The following VSNL1 variants were observed in gnomAD, a reference collection of about 807,000 sequenced individuals.
The protein encoded by VSNL1 is visinin like 1.
Under a neutral mutation model 20.4 loss-of-function variants are expected in VSNL1, and 6 were observed. The ratio of observed to expected loss-of-function variants is 0.29; its 90% CI spans 0.16 to 0.58. The LOEUF is 0.58. VSNL1 is among the 20% of genes least tolerant of loss of function. The pLI is 0.90. For synonymous variants in VSNL1, 93 were observed against 86.4 expected (o/e 1.08, Z -0.42); for missense variants, 100 against 234.5 (o/e 0.43, Z 3.75).
intron 1 of VSNL1, among the ~76,000 whole-genome samples, chr2:17,585,543 A>T (rs1664450947): frequency 1.3e-5 from 2 of 149,550 alleles, no homozygotes; most frequent in Admixed American, 1.3e-4. Context: ...AGAGAGAAAC[A>T]TGGGTAGTGG....
rs370086559 is a variant in VSNL1 at position 17,582,084 on chromosome 2, AC to A, written c.-5-9984del. ...AATATCAGTGGGAGTTCACTAGAGA[AC>A]CAACGTGTAGCTAATGAGAACTGCC... On this transcript the variant is annotated intron_variant, in intron 1 of 3. Coordinates refer to ENST00000295156, the MANE Select transcript of VSNL1 (RefSeq NM_003385.5). Among the ~76,000 whole-genome samples the A allele has an allele frequency of 5.5e-3, 843 of 152,308 alleles. 9 individuals are homozygous for A. Among genetic ancestry groups the A allele is most frequent in the African/African-American group, 0.019 (806 of 41,558 alleles).
intron 2 of VSNL1, among the ~76,000 whole-genome samples, chr2:17,599,679 GT>G (rs1664784324): frequency 6.6e-6 from 1 of 152,112 alleles, no homozygotes; most frequent in Non-Finnish European, 1.5e-5. Flanking sequence ...AGTCTGACCA[GT>G]GGCTTACTTG....
chr2:17,608,146 G>A (rs542887938), intron 2 of VSNL1, among the ~76,000 whole-genome samples: 2 of 152,300 alleles, frequency 1.3e-5, no homozygotes, highest in African/African-American at 2.4e-5. Flanking sequence ...AGTTTGTAAC[G>A]AGATATTCAG....
At chr2:17,593,472 T>C (rs1390741770) in intron 2 of VSNL1, among the ~76,000 whole-genome samples, 1 of 152,044 alleles carries the variant, frequency 6.6e-6, no homozygotes, top group African/African-American at 2.4e-5. Flanking sequence ...TAAAATCATA[T>C]AAAAAGAAAA....
intron 1 of VSNL1, among the ~76,000 whole-genome samples, chr2:17,590,539 GA>G (rs1293848001): frequency 6.6e-6 from 1 of 152,162 alleles, no homozygotes; most frequent in Non-Finnish European, 1.5e-5. Context: ...GACGAGTTTG[GA>G]GGGTAAATGG....
intron 3 of VSNL1, among the ~76,000 whole-genome samples, chr2:17,653,128 G>A (rs889483605): frequency 2.0e-5 from 3 of 152,204 alleles, no homozygotes; most frequent in African/African-American, 4.8e-5. Context: ...AGTTTCACAC[G>A]GAGTTCCGAG....
chr2:17,562,225 A>G (rs893807134), intron 1 of VSNL1, among the ~76,000 whole-genome samples: 1 of 152,232 alleles, frequency 6.6e-6, no homozygotes, highest in Non-Finnish European at 1.5e-5. Context: ...AAATTAATTC[A>G]TATTTTATTA....
intron 2 of VSNL1, among the ~76,000 whole-genome samples, chr2:17,597,204 G>A (rs751607728): frequency 1.3e-5 from 2 of 152,174 alleles, no homozygotes; most frequent in Admixed American, 6.5e-5. Context: ...CTTAGACACC[G>A]AACTCTGTGT....
chr2:17,579,048 G>C (rs1664285748), intron 1 of VSNL1, among the ~76,000 whole-genome samples: 1 of 152,128 alleles, frequency 6.6e-6, no homozygotes, highest in Non-Finnish European at 1.5e-5. Context: ...CTTCATGCCA[G>C]GGATTTGAAA....
intron 2 of VSNL1, among the ~76,000 whole-genome samples, chr2:17,606,757 C>T (rs951760893): frequency 2.0e-5 from 3 of 152,164 alleles, no homozygotes; most frequent in Admixed American, 2.0e-4. Context: ...TAGTAGTGGC[C>T]TACCTCTCAA....
chr2:17,568,852 T>A (rs572551034), intron 1 of VSNL1, among the ~76,000 whole-genome samples: 19 of 152,220 alleles, frequency 1.2e-4, no homozygotes, highest in Non-Finnish European at 2.5e-4. Flanking sequence ...AATTATTAGT[T>A]GATTTTTTTT....
rs1340398644 is a variant in VSNL1, at chr2:17,607,101, C to G, written c.162+14865C>G. ...CCACATGCTGTGTGGGATAATTAAC[C>G]CTTTGTGTCAAGGCCTGTCTTAGTG... On this transcript the variant is annotated intron_variant, in intron 2 of 3. Coordinates refer to ENST00000295156, the MANE Select transcript of VSNL1 (RefSeq NM_003385.5). Among the ~76,000 whole-genome samples, 6 of 152,206 alleles carry G rather than the reference C, an allele frequency of 3.9e-5. No individual in the cohort carries two copies. In the South Asian group the frequency reaches 1.0e-3, roughly 26 times the overall value.
chr2:17,555,950 G>T (rs2103343454), intron 1 of VSNL1, among the ~76,000 whole-genome samples: 1 of 152,264 alleles, frequency 6.6e-6, no homozygotes, highest in Middle Eastern at 3.4e-3. Flanking sequence ...TTTTCAAGAA[G>T]CTAATGGTCT....
At chr2:17,619,665 A>T (rs979985693) in intron 2 of VSNL1, among the ~76,000 whole-genome samples, 1 of 152,102 alleles carries the variant, frequency 6.6e-6, no homozygotes, top group Non-Finnish European at 1.5e-5. Flanking sequence ...CACAAACAGT[A>T]TTAGAACTCA....
chr2:17,640,252 CAA>C (rs60583462), intron 2 of VSNL1, among the ~76,000 whole-genome samples: 20 of 98,774 alleles, frequency 2.0e-4, no homozygotes, highest in Admixed American at 4.6e-4. Context: ...GACTCTGTTT[CAA>C]AAAAAAAAAA....
At chr2:17,556,902 C>T (rs983228017) in intron 1 of VSNL1, among the ~76,000 whole-genome samples, 4 of 152,180 alleles carry the variant, frequency 2.6e-5, no homozygotes, top group African/African-American at 9.7e-5. Context: ...GAGCTTACAT[C>T]TGCCTGAGTT....
intron 2 of VSNL1, among the ~76,000 whole-genome samples, chr2:17,626,274 G>C (rs1306248636): frequency 6.6e-6 from 1 of 152,188 alleles, no homozygotes; most frequent in Non-Finnish European, 1.5e-5. Context: ...AGTTCTGGCC[G>C]TAGCTAGCGA....
intron 2 of VSNL1, among the ~76,000 whole-genome samples, chr2:17,635,429 G>A (rs1247957744): frequency 6.6e-6 from 1 of 152,200 alleles, no homozygotes; most frequent in Non-Finnish European, 1.5e-5. Context: ...GGTCATCATC[G>A]TGGCCACCCT....
At chr2:17,639,257 G>C (rs769767542) in intron 2 of VSNL1, among the ~76,000 whole-genome samples, 18 of 152,182 alleles carry the variant, frequency 1.2e-4, no homozygotes, top group Non-Finnish European at 2.2e-4. Context: ...GTTTGGGTTT[G>C]ACGGTAATAA....
Sources: allele counts gnomAD v4.1 joint callset (sites outside exome capture counted in the v4.1 genomes callset), GRCh38; gene constraint gnomAD v4.1.1; transcripts MANE v1.5; gene names NCBI Gene and HGNC (gene_info 2026-07-23, HGNC 2026-07-21).